Variants in THSD7B observed in about 807,000 individuals in gnomAD.
THSD7B encodes the protein thrombospondin type 1 domain containing 7B.
Under a neutral mutation model 213.6 loss-of-function variants are expected in THSD7B, and 138 were observed. The ratio of observed to expected loss-of-function variants is 0.65; its 90% confidence interval spans 0.56 to 0.74. THSD7B has a LOEUF of 0.74. Ranked by LOEUF, THSD7B falls within the 30% of genes least tolerant of loss-of-function variation. The probability of loss-of-function intolerance (pLI) is 0.00; values close to 1 mark genes in which losing one functional copy is unlikely to be tolerated. For missense variants in THSD7B, 1,931 were observed against 1,991.5 expected (o/e 0.97, Z 0.58); for synonymous variants, 742 against 687.0 (o/e 1.08, Z -1.25).
intron 5 of THSD7B, among the ~76,000 whole-genome samples, chr2:137,148,959 G>T (rs765409685): frequency 6.6e-6 from 1 of 152,154 alleles, no homozygotes; most frequent in Non-Finnish European, 1.5e-5. Flanking sequence ...ATGTCATCAG[G>T]GCATGTCAGA....
At chr2:137,529,717 A>AAATC (rs1404868284) in intron 15 of THSD7B, among the ~76,000 whole-genome samples, 1 of 152,006 alleles carries the variant, frequency 6.6e-6, no homozygotes, top group Admixed American at 6.6e-5. Flanking sequence ...ATGGTTAAAA[A>AAATC]AATCATCAGA....
chr2:136,899,371 T>C (rs565201734), intron 2 of THSD7B, among the ~76,000 whole-genome samples: 18 of 152,246 alleles, frequency 1.2e-4, no homozygotes, highest in African/African-American at 3.4e-4. Context: ...TGATAAATAT[T>C]TATTGCATTC....
intron 27 of THSD7B, among the ~76,000 whole-genome samples, chr2:137,671,651 C>T (rs1047292083): frequency 4.6e-5 from 7 of 152,130 alleles, no homozygotes. Flanking sequence ...CATGAGAACA[C>T]CATGGGGGAA....
At chr2:137,346,756 G>A (rs549896726) in intron 12 of THSD7B, among the ~76,000 whole-genome samples, 13 of 151,442 alleles carry the variant, frequency 8.6e-5, no homozygotes, top group South Asian at 8.3e-4. Context: ...TCTTTATCTC[G>A]CTGAAGGAAC....
At chr2:136,961,025 C>T (rs1213207125) in intron 2 of THSD7B, among the ~76,000 whole-genome samples, 1 of 119,676 alleles carries the variant, frequency 8.4e-6, no homozygotes, top group African/African-American at 3.2e-5. Flanking sequence ...GGAGATGGAG[C>T]TTGCAGTGAG....
At chr2:137,147,014 C>T (rs1679717229) in intron 5 of THSD7B, among the ~76,000 whole-genome samples, 1 of 152,138 alleles carries the variant, frequency 6.6e-6, no homozygotes, top group South Asian at 2.1e-4. Flanking sequence ...ACTCCCCAAC[C>T]TGGTAATCAT....
At chr2:137,086,498 T>C (rs1390225868) in intron 3 of THSD7B, among the ~76,000 whole-genome samples, 1 of 152,186 alleles carries the variant, frequency 6.6e-6, no homozygotes, top group Non-Finnish European at 1.5e-5. Context: ...CTCCCTCTTA[T>C]AAAGATGCTG....
intron 1 of THSD7B, among the ~76,000 whole-genome samples, chr2:136,781,434 T>G (rs1224469845): frequency 1.4e-5 from 2 of 142,160 alleles, no homozygotes; most frequent in Non-Finnish European, 3.1e-5. Context: ...CCGGCTAATT[T>G]TTTTTTTTTT....
intron 2 of THSD7B, among the ~76,000 whole-genome samples, chr2:136,946,921 C>T (rs1422649257): frequency 6.6e-6 from 1 of 152,044 alleles, no homozygotes; most frequent in Non-Finnish European, 1.5e-5. Context: ...AGGGAAATCC[C>T]CCAACCCCTT....
intron 10 of THSD7B, among the ~76,000 whole-genome samples, chr2:137,271,742 G>T (rs1682744123): frequency 6.6e-6 from 1 of 151,818 alleles, no homozygotes; most frequent in South Asian, 2.1e-4. Flanking sequence ...TCAGAGATTT[G>T]TGTGTGCATT....
chr2:137,457,953 G>T (rs183197673), intron 15 of THSD7B, among the ~76,000 whole-genome samples: 1 of 152,206 alleles, frequency 6.6e-6, no homozygotes, highest in Non-Finnish European at 1.5e-5. Flanking sequence ...TGAAGGTTCT[G>T]GGAATTTAAC....
At chr2:136,778,164 C>T in intron 1 of THSD7B, among the ~76,000 whole-genome samples, 2 of 152,200 alleles carry the variant, frequency 1.3e-5, no homozygotes, top group East Asian at 3.8e-4. Context: ...TCACCCTCCT[C>T]ATGGCACTAG....
intron 10 of THSD7B, among the ~76,000 whole-genome samples, chr2:137,251,648 C>A (rs371271869): frequency 6.6e-6 from 1 of 152,060 alleles, no homozygotes; most frequent in East Asian, 1.9e-4. Context: ...TAGACTGACC[C>A]GTGGGTAAAA....
chr2:136,912,737 T>C (rs1298075158), intron 2 of THSD7B, among the ~76,000 whole-genome samples: 1 of 152,162 alleles, frequency 6.6e-6, no homozygotes, highest in Non-Finnish European at 1.5e-5. Flanking sequence ...TGCTTCTTCC[T>C]CATTTTCTCT....
In THSD7B at chr2:137,657,045, A is replaced by C. The variant is rs371442819; in HGVS notation, c.4280-20A>C. 5.0e-6 allele frequency: 8 copies of C among 1,613,606 alleles called. No individual in the cohort carries two copies. The South Asian group carries it at 8.8e-5, about 18-fold the overall frequency. ...CTAAGTGAGGTGTAATAGAACTGCT[A>C]TTATCATATTTACTTACAGGAGGCA... On this transcript the variant is annotated intron_variant, in intron 23 of 27. Coordinates refer to ENST00000409968, the MANE Select transcript of THSD7B (RefSeq NM_001316349.2).
At chr2:137,325,813 G>T (rs1684362676) in intron 12 of THSD7B, among the ~76,000 whole-genome samples, 4 of 152,192 alleles carry the variant, frequency 2.6e-5, no homozygotes, top group African/African-American at 9.7e-5. Flanking sequence ...AAGACTTGGT[G>T]TCTGCTTCGC....
intron 12 of THSD7B, among the ~76,000 whole-genome samples, chr2:137,288,657 T>G (rs1683242964): frequency 6.6e-6 from 1 of 151,912 alleles, no homozygotes; most frequent in South Asian, 2.1e-4. Flanking sequence ...CTCAATGGGG[T>G]TTTAGGCCAA....
At chr2:137,296,901 C>T (rs932294073) in intron 12 of THSD7B, among the ~76,000 whole-genome samples, 3 of 151,894 alleles carry the variant, frequency 2.0e-5, no homozygotes, top group Admixed American at 1.3e-4. Flanking sequence ...CACTCAGTCT[C>T]TCCTCAACTG....
At chr2:136,899,306 A>G (rs911694325) in intron 2 of THSD7B, among the ~76,000 whole-genome samples, 1 of 152,178 alleles carries the variant, frequency 6.6e-6, no homozygotes, top group South Asian at 2.1e-4. Flanking sequence ...ATTTATTTGT[A>G]TCGTGTATTA....
Sources: gnomAD v4.1 joint callset for allele counts (sites outside exome capture counted in the v4.1 genomes callset) on GRCh38, gnomAD v4.1.1 for gene constraint, MANE v1.5 for transcripts, NCBI Gene and HGNC (gene_info 2026-07-23, HGNC 2026-07-21) for gene names.